The following PTPN4 variants were observed in gnomAD, a reference collection of about 807,000 sequenced individuals.
PTPN4 encodes the protein tyrosine-protein phosphatase non-receptor type 4.
Under a neutral mutation model 135.5 loss-of-function variants are expected in PTPN4, and 49 were observed. That is an observed-to-expected ratio of 0.36 (90% CI 0.29 to 0.46). The LOEUF (loss-of-function observed/expected upper bound fraction) is 0.46. PTPN4 is among the 20% of genes least tolerant of loss of function. The probability of loss-of-function intolerance (pLI) is 1.00; values close to 1 mark genes in which losing one functional copy is unlikely to be tolerated. For synonymous variants in PTPN4, 333 were observed against 369.9 expected, an observed-to-expected ratio of 0.90 and a Z score of 1.14; for missense variants, 860 against 1,101.0, an observed-to-expected ratio of 0.78 and a Z score of 3.10.
chr2:119,932,855 G>C (rs993704095), intron 14 of PTPN4, among the ~76,000 whole-genome samples: 1 of 152,156 alleles, frequency 6.6e-6, no homozygotes, highest in Non-Finnish European at 1.5e-5. Flanking sequence ...TTAAAATCTT[G>C]TATGGTTGTT....
At chr2:119,921,801 C>T (rs1558764822) in intron 12 of PTPN4, among the ~76,000 whole-genome samples, 1 of 152,122 alleles carries the variant, frequency 6.6e-6, no homozygotes, top group African/African-American at 2.4e-5. Flanking sequence ...ATCTCCACGG[C>T]TTTATGTGAA....
chr2:119,953,257 T>C (rs1679234552), intron 19 of PTPN4, among the ~76,000 whole-genome samples: 1 of 152,230 alleles, frequency 6.6e-6, no homozygotes. Context: ...ATATTACCAC[T>C]TGAATATGTA....
intron 15 of PTPN4, 120 bp downstream of exon 15, chr2:119,935,078 T>C: frequency 8.6e-7 from 1 of 1,168,702 alleles, no homozygotes; most frequent in Admixed American, 2.5e-5. Context: ...CTTTTCAAAA[T>C]GTGTATGTTT....
intron 2 of PTPN4, among the ~76,000 whole-genome samples, chr2:119,840,861 G>A (rs1677370472): frequency 1.3e-5 from 2 of 152,022 alleles, no homozygotes; most frequent in Admixed American, 6.5e-5. Context: ...TTTTTGGTTG[G>A]CCGCATGTAT....
rs929331466 is a variant in PTPN4, at chr2:119,760,380, C to G, written c.-22C>G. On this transcript the variant is annotated 5_prime_UTR_variant, in exon 1 of 27. Coordinates refer to ENST00000263708, the MANE Select transcript of PTPN4 (RefSeq NM_002830.4). ...GCCGAGAGGACGCGGCTGTGATATACGAAGGTAAGAGGTTCTCCGGTCCCC... is the reference window on the plus strand; with the variant it reads ...GCCGAGAGGACGCGGCTGTGATATAGGAAGGTAAGAGGTTCTCCGGTCCCC... 61 of 389,934 alleles carry G rather than the reference C, an allele frequency of 1.6e-4. No individual in the cohort carries two copies. The Admixed American group carries it at 2.7e-3, about 17-fold the overall frequency. The allele number at this position is 389,934 out of a possible 1,614,324, so 24.2% of individuals were successfully genotyped here.
intron 2 of PTPN4, among the ~76,000 whole-genome samples, chr2:119,845,576 T>A (rs1677485417): frequency 6.6e-6 from 1 of 152,166 alleles, no homozygotes; most frequent in South Asian, 2.1e-4. Context: ...TACCTTCTTT[T>A]ATTCCTGGTT....
chr2:119,769,587 A>G (rs767212511), intron 1 of PTPN4, among the ~76,000 whole-genome samples: 2 of 152,232 alleles, frequency 1.3e-5, no homozygotes, highest in Non-Finnish European at 2.9e-5. Flanking sequence ...CAAGTGTACA[A>G]TGAATATAGA....
rs1163463187 is a variant in PTPN4, at chr2:119,801,251, C to T, written c.-17-8586C>T. 2.6e-5 allele frequency among the ~76,000 whole-genome samples: 4 copies of T among 152,082 alleles called. No homozygotes were observed. The East Asian group carries it at 5.8e-4, about 22-fold the overall frequency. On this transcript the variant is annotated intron_variant, in intron 1 of 26. Coordinates refer to ENST00000263708, the MANE Select transcript of PTPN4 (RefSeq NM_002830.4). ...TACAAACATGCATCACCACGCCTGG[C>T]TAATTTTTCTATTTTTAGTAGAGAT... is the stretch of plus-strand genomic sequence containing the variant.
chr2:119,884,120 G>C (rs1473635923), intron 8 of PTPN4, among the ~76,000 whole-genome samples: 1 of 152,208 alleles, frequency 6.6e-6, no homozygotes, highest in Non-Finnish European at 1.5e-5. Flanking sequence ...GGATGGTCTT[G>C]ATCTCCTGAC....
intron 2 of PTPN4, among the ~76,000 whole-genome samples, chr2:119,814,368 A>G (rs1676956133): frequency 6.6e-6 from 1 of 151,988 alleles, no homozygotes; most frequent in Non-Finnish European, 1.5e-5. Flanking sequence ...CTTCTGGTTC[A>G]TTTTCTTCAG....
rs1679683005 is a variant in PTPN4 at position 119,980,956 on chromosome 2, GTAAA to G, written c.*3891_*3894del. On this transcript the variant is annotated 3_prime_UTR_variant, in exon 27 of 27. Coordinates refer to ENST00000263708, the MANE Select transcript of PTPN4 (RefSeq NM_002830.4). ...TTCATAATGTGAACATGTAAGATAA[GTAAA>G]TAAAGCATTACTTGTTTTATAATAT... 1 of 151,970 alleles carries G rather than the reference GTAAA, an allele frequency of 6.6e-6. No homozygotes were observed. Among genetic ancestry groups the G allele is most frequent in the South Asian group, 2.1e-4 (1 of 4,824 alleles). The allele number at this position is 151,970 out of a possible 1,614,324, so 9.4% of individuals were successfully genotyped here.
intron 10 of PTPN4, among the ~76,000 whole-genome samples, chr2:119,905,911 CA>C (rs1408380370): frequency 2.6e-5 from 4 of 151,964 alleles, no homozygotes; most frequent in Non-Finnish European, 5.9e-5. Flanking sequence ...ATTATTGAAA[CA>C]AAAACAGCAA....
chr2:119,789,429 G>A (rs887245483), intron 1 of PTPN4, among the ~76,000 whole-genome samples: 1 of 152,084 alleles, frequency 6.6e-6, no homozygotes, highest in African/African-American at 2.4e-5. Flanking sequence ...TAATTTTGAT[G>A]AAGTCCAATT....
At chr2:119,963,870 C>G (rs1679406650) in intron 24 of PTPN4, among the ~76,000 whole-genome samples, 1 of 152,110 alleles carries the variant, frequency 6.6e-6, no homozygotes, top group African/African-American at 2.4e-5. Flanking sequence ...AGCATAGTCT[C>G]TATTATACTC....
intron 2 of PTPN4, among the ~76,000 whole-genome samples, chr2:119,830,094 TCATGGGC>T: frequency 6.6e-6 from 1 of 152,320 alleles, no homozygotes; most frequent in Middle Eastern, 3.4e-3. Context: ...TAATAATGTT[TCATGGGC>T]CATAGTCACA....
chr2:119,800,362 G>A (rs2104941866), intron 1 of PTPN4, among the ~76,000 whole-genome samples: 1 of 151,634 alleles, frequency 6.6e-6, no homozygotes, highest in Admixed American at 6.6e-5. Flanking sequence ...CCTTTCATGT[G>A]CTTAATGGCC....
intron 2 of PTPN4, among the ~76,000 whole-genome samples, chr2:119,831,242 A>G (rs1396611793): frequency 6.6e-6 from 1 of 152,174 alleles, no homozygotes; most frequent in Non-Finnish European, 1.5e-5. Context: ...AATGCTTGCT[A>G]GCTCAATACT....
intron 1 of PTPN4, among the ~76,000 whole-genome samples, chr2:119,760,863 A>G (rs1191989796): frequency 6.2e-5 from 5 of 81,132 alleles, no homozygotes; most frequent in Admixed American, 2.2e-4. Flanking sequence ...GGGAATCTGT[A>G]GTTGAGCCAA....
At chr2:119,851,734 G>A (rs995623151) in intron 2 of PTPN4, among the ~76,000 whole-genome samples, 5 of 152,130 alleles carry the variant, frequency 3.3e-5, no homozygotes, top group Non-Finnish European at 7.3e-5. Flanking sequence ...TCTCCCTGGG[G>A]CCTGCATTCA....
Sources: allele counts gnomAD v4.1 joint callset (sites outside exome capture counted in the v4.1 genomes callset), GRCh38; gene constraint gnomAD v4.1.1; transcripts MANE v1.5; gene names NCBI Gene and HGNC (gene_info 2026-07-23, HGNC 2026-07-21).